Variants in INTS1 observed in about 807,000 individuals in gnomAD.
The protein encoded by INTS1 is integrator complex subunit 1.
A neutral mutation model predicts 241.6 loss-of-function variants in INTS1; 137 were observed. The ratio of observed to expected loss-of-function variants is 0.57; its 90% CI spans 0.49 to 0.65. The LOEUF is 0.65. Ranked by LOEUF, INTS1 falls within the 30% of genes least tolerant of loss-of-function variation. INTS1 has a pLI of 0.00. For missense variants in INTS1, 3,073 were observed against 3,032.2 expected (o/e 1.01, Z -0.32); for synonymous variants, 1,692 against 1,337.8 (o/e 1.26, Z -5.78).
rs764882538 is a variant in INTS1, at chr7:1,470,563, C to T, written c.*14G>A. ...GACGGGCCGGGGCTTGGAGGGGGGT[C>T]GGCTGCCACAGGCTCACATCACGGC... On this transcript the variant is annotated 3_prime_UTR_variant, in exon 48 of 48. Coordinates refer to ENST00000404767, the MANE Select transcript of INTS1 (RefSeq NM_001080453.3). The T allele has an allele frequency of 1.2e-4, 181 of 1,529,850 alleles. 1 individual carries two copies. The highest frequency in any genetic ancestry group is 3.4e-4 in the Middle Eastern group (2 of 5,890). 94.8% of individuals were successfully genotyped at this position (1,529,850 alleles called of 1,614,324 possible).
intron 26 of INTS1, 134 bp downstream of exon 26, chr7:1,483,608 C>G (rs1429996726): frequency 2.8e-6 from 2 of 725,356 alleles, no homozygotes; most frequent in Admixed American, 4.0e-5. Context: ...AGGAGAGAAG[C>G]CAGGACACAG....
Position 1,484,171 on chromosome 7 carries a change from C to G in INTS1, c.3262-1G>C. 1 of 1,607,272 alleles carries G rather than the reference C, an allele frequency of 6.2e-7. No individual in the cohort carries two copies. Among genetic ancestry groups the G allele is most frequent in the Non-Finnish European group, 8.5e-7 (1 of 1,177,002 alleles). On this transcript the variant is annotated splice_acceptor_variant, in intron 24 of 47. Coordinates refer to ENST00000404767, the MANE Select transcript of INTS1 (RefSeq NM_001080453.3). LOFTEE classifies it high-confidence loss of function. Reference sequence around the variant, plus strand: ...GCTCCACGACCAGCCGGGCCACGTCCTGGTGTGTGGACAGGGGGGCGTCAG... The same window carrying G: ...GCTCCACGACCAGCCGGGCCACGTCGTGGTGTGTGGACAGGGGGGCGTCAG...
chr7:1,496,049 G>T, intron 12 of INTS1, 107 bp downstream of exon 12: 2 of 793,932 alleles, frequency 2.5e-6, no homozygotes, highest in Non-Finnish European at 4.2e-6. Flanking sequence ...CTGCGGGACC[G>T]CTCCTGCCGG....
At position 1,471,157 on chromosome 7, in the gene INTS1, A is replaced by G; in HGVS notation, c.6323T>C (p.Leu2108Pro). ...CCTGGGGCTGTTCTGCATGGAGCGC[A>G]GGGCCAGGCTGAAGGCGAGGTTGCG... Reference protein sequence around the residue: ...CCRNLAFSLALRSMQNSPSIA... With the variant: ...CCRNLAFSLAPRSMQNSPSIA... The change falls in exon 46 of 48, where the codon CTG becomes CCG. Residue 2108 changes from leucine (L) to proline (P), a missense_variant. By Grantham distance (98) the Leu-to-Pro change is moderately conservative. Coordinates refer to ENST00000404767, the MANE Select transcript of INTS1 (RefSeq NM_001080453.3). The G allele has an allele frequency of 6.3e-7, 1 of 1,578,664 alleles. No homozygotes were observed. Among genetic ancestry groups the G allele is most frequent in the Non-Finnish European group, 8.6e-7 (1 of 1,163,710 alleles).
In INTS1 at chr7:1,478,232, G is replaced by A. The variant is rs1584265045; in HGVS notation, c.4630+134C>T. 7 of 1,014,640 alleles carry A rather than the reference G, an allele frequency of 6.9e-6. No homozygotes were observed. In the East Asian group the frequency reaches 1.8e-4, roughly 26 times the overall value. The allele number at this position is 1,014,640 out of a possible 1,614,324, so 62.9% of individuals were successfully genotyped here. The stretch of plus-strand genomic sequence containing the variant: ...GCCCCGCCCTGAGCCATCTGGGAGG[G>A]GACCTCTGTGGGCACTTTCCGGGGA... On this transcript the variant is annotated intron_variant, in intron 33 of 47. Transcript: ENST00000404767.
At chr7:1,501,360 G>A (rs931645324) in intron 3 of INTS1, 4 of 152,060 alleles carry the variant, frequency 2.6e-5, no homozygotes, top group African/African-American at 7.3e-5. Context: ...CAGAGGCATT[G>A]TGATCTACCT....
chr7:1,474,196 C>A lies in INTS1; in HGVS notation c.5801G>T (p.Cys1934Phe), dbSNP rs1781603354. Residue 1934 changes from cysteine to phenylalanine, a missense_variant, in exon 41 of 48, where the codon TGC (cysteine) becomes TTC (phenylalanine). Transcript: ENST00000404767. ...CAGCAGGCGGATGAAGGACAGAAGG[C>A]AGTCCCACAGCGCCCCCTGGTGCTC... ...RSEHQGALWDCLLSFIRLLLN... is the reference protein window; with the variant it reads ...RSEHQGALWDFLLSFIRLLLN... 6.3e-7 allele frequency: 1 copy of A among 1,585,748 alleles called. No individual in the cohort carries two copies.
At chr7:1,479,061 G>C (rs183190514) in intron 31 of INTS1, among the ~76,000 whole-genome samples, 176 bp from the exon 32 acceptor site, 9 of 152,352 alleles carry the variant, frequency 5.9e-5, no homozygotes, top group African/African-American at 1.9e-4. Flanking sequence ...CACGGGCCCA[G>C]ACGACCTCAC....
chr7:1,482,681 G>A lies in INTS1; in HGVS notation c.3568C>T (p.Leu1190=), dbSNP rs1199059452. 1.2e-6 allele frequency: 2 copies of A among 1,612,638 alleles called. No individual in the cohort carries two copies. Among genetic ancestry groups the A allele is most frequent in the African/African-American group, 1.3e-5 (1 of 74,950 alleles). The change falls in exon 27 of 48, where the codon CTG becomes TTG. Residue 1190 remains leucine, a synonymous_variant. Coordinates refer to ENST00000404767, the MANE Select transcript of INTS1 (RefSeq NM_001080453.3). ...TTCTCCTCCGGAAACCAGATGTCCA[G>A]CAGCGCCTGGAACTCGCTGTCGTCG... ...RADDSEFQAL[L]DIWFPEEKPL...
chr7:1,487,954 G>A lies in INTS1; in HGVS notation c.2322C>T (p.Asn774=). The change falls in exon 19 of 48, where the codon AAC becomes AAT. Residue 774 remains asparagine, a synonymous_variant. Transcript: ENST00000404767. Reference sequence around the variant, plus strand: ...TCAGGGTGCACGGTGGGTAGGAGTAGTTGCTAGGGCCAGACGGGGGAGCGT... The same window carrying A: ...TCAGGGTGCACGGTGGGTAGGAGTAATTGCTAGGGCCAGACGGGGGAGCGT... The part of the protein sequence containing the change: ...KMLMEMVMTN[N]YSYPPCTLTD... 6.2e-7 allele frequency: 1 copy of A among 1,613,154 alleles called. No individual in the cohort carries two copies. Among genetic ancestry groups the A allele is most frequent in the Admixed American group, 1.7e-5 (1 of 60,024 alleles).
intron 44 of INTS1, among the ~76,000 whole-genome samples, chr7:1,471,935 C>G (rs1200344520): frequency 6.6e-6 from 1 of 152,356 alleles, no homozygotes; most frequent in South Asian, 2.1e-4. Flanking sequence ...GGCCGCTCAG[C>G]CTTGGCTGTC....
At chr7:1,474,142 C>A (rs150721417) in intron 41 of INTS1, 26 bp downstream of exon 41, 11 of 1,536,806 alleles carry the variant, frequency 7.2e-6, no homozygotes, top group African/African-American at 1.4e-5. Context: ...GAAGGGAGCG[C>A]GAGGGCGGGC....
intron 22 of INTS1, among the ~76,000 whole-genome samples, chr7:1,485,758 G>T (rs568604444): frequency 4.2e-4 from 64 of 152,298 alleles, no homozygotes; most frequent in African/African-American, 1.5e-3. Context: ...TCCTTCCTAC[G>T]CAGGGAAGGA....
rs996538167 is a variant in INTS1 at position 1,504,258 on chromosome 7, C to G, written c.-42+65G>C. 4 of 586,808 alleles carry G rather than the reference C, an allele frequency of 6.8e-6. No homozygotes were observed. The Admixed American group carries it at 9.6e-5, about 14-fold the overall frequency. The allele number at this position is 586,808 out of a possible 1,614,324, so 36.4% of individuals were successfully genotyped here. A position where few individuals can be genotyped will look rare whatever the true frequency, so the allele number is the denominator to read the frequency against. On this transcript the variant is annotated intron_variant, in intron 1 of 47. Transcript: ENST00000404767. Reference sequence around the variant, plus strand: ...GAAGGGACGGCCCAGAGGCCGGGAGCGGTAGCCGGGAGAACCAGGCGCTCG... The same window carrying G: ...GAAGGGACGGCCCAGAGGCCGGGAGGGGTAGCCGGGAGAACCAGGCGCTCG...
At chr7:1,474,472 AC>A in intron 40 of INTS1, 112 bp from the exon 41 acceptor site, 2 of 1,126,032 alleles carry the variant, frequency 1.8e-6, no homozygotes, top group Non-Finnish European at 2.3e-6. Flanking sequence ...CTGCCCCCCA[AC>A]CACCCTCCTG....
intron 39 of INTS1, 23 bp from the exon 40 acceptor site, chr7:1,474,861 G>A: frequency 6.4e-7 from 1 of 1,563,368 alleles, no homozygotes; most frequent in Non-Finnish European, 8.7e-7. Flanking sequence ...GCGCTCTGAG[G>A]CCGGGGCCGC....
intron 46 of INTS1, 29 bp from the exon 47 acceptor site, chr7:1,470,984 C>T (rs1295003136): frequency 6.5e-7 from 1 of 1,535,352 alleles, no homozygotes; most frequent in Non-Finnish European, 8.8e-7. Flanking sequence ...TCAGTGGGAA[C>T]CTCCACCCTG....
intron 12 of INTS1, 119 bp downstream of exon 12, chr7:1,496,037 T>C (rs1485176160): frequency 4.2e-6 from 3 of 716,490 alleles, no homozygotes; most frequent in Admixed American, 2.6e-5. Flanking sequence ...CGAGTAGCCG[T>C]GCTGCGGGAC....
rs1452825074 is a variant in INTS1 at position 1,471,093 on chromosome 7, C to T, written c.6347+40G>A. On this transcript the variant is annotated intron_variant, in intron 46 of 47. Coordinates refer to ENST00000404767, the MANE Select transcript of INTS1 (RefSeq NM_001080453.3). The stretch of plus-strand genomic sequence containing the variant: ...AAGCGGTGACCTGGGTTAGCAGGGC[C>T]CAGCGGTGGCGGCGGGACAGAGGCC... The T allele has an allele frequency of 1.9e-6, 3 of 1,539,686 alleles. No individual in the cohort carries two copies. The South Asian group carries it at 3.6e-5, about 18-fold the overall frequency.
Sources: gnomAD v4.1 joint callset for allele counts (sites outside exome capture counted in the v4.1 genomes callset) on GRCh38, gnomAD v4.1.1 for gene constraint, MANE v1.5 for transcripts, NCBI Gene and HGNC (gene_info 2026-07-23, HGNC 2026-07-21) for gene names.